The following NUP210 variants were observed in gnomAD, a reference collection of about 807,000 sequenced individuals.
NUP210 encodes nuclear pore membrane glycoprotein 210.
A neutral mutation model predicts 196.0 loss-of-function variants in NUP210; 151 were observed. That is an observed-to-expected ratio of 0.77 (90% CI 0.67 to 0.88). The LOEUF (loss-of-function observed/expected upper bound fraction) is 0.88, where lower values mean the gene tolerates loss of function less well. Among genes scored for constraint, NUP210 ranks in the 40% least tolerant of loss-of-function variants. The probability of loss-of-function intolerance (pLI) is 0.00; values close to 1 mark genes in which losing one functional copy is unlikely to be tolerated. For synonymous variants in NUP210, 1,070 were observed against 1,052.7 expected (o/e 1.02, Z -0.32); for missense variants, 2,314 against 2,493.7 (o/e 0.93, Z 1.53).
Position 13,387,870 on chromosome 3 carries a change from T to A in NUP210, c.684+433A>T, listed in dbSNP as rs188642466. Among the ~76,000 whole-genome samples the A allele has an allele frequency of 4.0e-3, 602 of 152,190 alleles. 4 individuals are homozygous for A. Among genetic ancestry groups the A allele is most frequent in the Non-Finnish European group, 4.4e-3 (297 of 67,982 alleles). ...TGAGGTGATCTACACATAGGATCCC[T>A]GGGCCACCAGTCTCAGGGCTCCAAT... On this transcript the variant is annotated intron_variant, in intron 5 of 39. Transcript: ENST00000254508.
rs1032854080 is a variant in NUP210, at chr3:13,387,716, G to A, written c.684+587C>T. ...GGTTGGGTGGACATTAGTCCACAGG[G>A]ACAGAGAAGGAACCAGGACGTTGGA... On this transcript the variant is annotated intron_variant, in intron 5 of 39. Transcript: ENST00000254508. Among the ~76,000 whole-genome samples the A allele has an allele frequency of 3.3e-5, 5 of 152,326 alleles. No homozygotes were observed. The East Asian group carries it at 5.8e-4, about 18-fold the overall frequency.
chr3:13,317,661 T>A lies in NUP210; in HGVS notation c.*20A>T. The stretch of plus-strand genomic sequence containing the variant: ...CACGAGGCTCGGCTGAGACCCATCC[T>A]CCGGGAACCTTCACGCGGCCTAGTG... On this transcript the variant is annotated 3_prime_UTR_variant, in exon 40 of 40. Coordinates refer to ENST00000254508, the MANE Select transcript of NUP210 (RefSeq NM_024923.4). The A allele has an allele frequency of 1.3e-6, 2 of 1,561,630 alleles. No individual in the cohort carries two copies. The highest frequency in any genetic ancestry group is 1.8e-6 in the Non-Finnish European group (2 of 1,142,680).
At chr3:13,356,469 C>T (rs540346566) in intron 16 of NUP210, among the ~76,000 whole-genome samples, 1 of 152,100 alleles carries the variant, frequency 6.6e-6, no homozygotes, top group Non-Finnish European at 1.5e-5. Flanking sequence ...ATGGTGAAAC[C>T]CTGTCTCTAC....
rs2271503 is a variant in NUP210 at position 13,343,242 on chromosome 3, G to A, written c.2897C>T (p.Pro966Leu). Residue 966 changes from proline (P) to leucine (L), a missense_variant, in exon 21 of 40, where the codon CCG becomes CTG. Transcript: ENST00000254508. ...GTAAACGACAGCCTTGGCTGGGGCC[G>A]GGAAGACGAGGCACAAGTCATGGAT... is the stretch of plus-strand genomic sequence containing the variant. Reference protein sequence around the residue: ...IMIHDLCLVFPAPAKAVVYVS... With the variant: ...IMIHDLCLVFLAPAKAVVYVS... 59 of 1,614,004 alleles carry A rather than the reference G, an allele frequency of 3.7e-5. No homozygotes were observed. In the East Asian group the frequency reaches 4.7e-4, roughly 13 times the overall value.
intron 9 of NUP210, among the ~76,000 whole-genome samples, chr3:13,377,120 T>C (rs965335440): frequency 2.6e-4 from 39 of 152,296 alleles, no homozygotes; most frequent in African/African-American, 8.7e-4. Flanking sequence ...ATGGATTCTC[T>C]GAGGTCCCCA....
In NUP210 at chr3:13,375,536, G is replaced by T; in HGVS notation, c.1399C>A (p.Pro467Thr). The change falls in exon 11 of 40, where the codon CCA (proline) becomes ACA (threonine). Residue 467 changes from proline (P) to threonine (T), a missense_variant. By Grantham distance (38) the Pro-to-Thr change is conservative. Transcript: ENST00000254508. Reference protein sequence around the residue: ...YPSILTFPWQPKTGAYQYTIR... With the variant: ...YPSILTFPWQTKTGAYQYTIR... ...GTGTACTGATAGGCGCCCGTCTTTG[G>T]TTGCCACGGAAATGTCAAGATGCTG... is the stretch of plus-strand genomic sequence containing the variant. 1.2e-6 allele frequency: 2 copies of T among 1,614,112 alleles called. No individual in the cohort carries two copies. The highest frequency in any genetic ancestry group is 1.7e-6 in the Non-Finnish European group (2 of 1,180,016).
intron 17 of NUP210, 108 bp from the exon 18 acceptor site, chr3:13,353,768 T>C (rs1406782470): frequency 1.6e-6 from 2 of 1,243,702 alleles, no homozygotes; most frequent in South Asian, 2.5e-5. Flanking sequence ...AACAGACAAC[T>C]GTGTGTGTTG....
In NUP210 at chr3:13,347,635, G is replaced by T. The variant is rs761797274; in HGVS notation, c.2835+4244C>A. On this transcript the variant is annotated intron_variant, in intron 20 of 39. Transcript: ENST00000254508. The surrounding 1 kb of genome is among the most constrained non-coding windows in gnomAD (Gnocchi z 4.7). ...ACATTCCCGCAAGCCATCCTTCCGTGCTGAATATGTATCAACAGGAAGGAA... is the reference window on the plus strand; with the variant it reads ...ACATTCCCGCAAGCCATCCTTCCGTTCTGAATATGTATCAACAGGAAGGAA... 1.3e-5 allele frequency among the ~76,000 whole-genome samples: 2 copies of T among 152,150 alleles called. No homozygotes were observed. The highest frequency in any genetic ancestry group is 2.9e-5 in the Non-Finnish European group (2 of 68,036).
At chr3:13,341,119 A>C (rs1326241515) in intron 23 of NUP210, 2 of 152,238 alleles carry the variant, frequency 1.3e-5, no homozygotes. Context: ...GGCTGGTTTA[A>C]TGCCGCTGCT....
At chr3:13,324,746 C>T (rs1478854033) in intron 33 of NUP210, among the ~76,000 whole-genome samples, 2 of 152,198 alleles carry the variant, frequency 1.3e-5, no homozygotes, top group Non-Finnish European at 2.9e-5. Context: ...TCTGCAAACA[C>T]AGCCTTGGTC....
At chr3:13,397,258 G>T in intron 3 of NUP210, 99 bp downstream of exon 3, 1 of 1,418,086 alleles carries the variant, frequency 7.1e-7, no homozygotes, top group Non-Finnish European at 9.5e-7. Flanking sequence ...CTGCAGGGTT[G>T]GATGCCAGAG....
At chr3:13,375,142 C>CTTTTTTTTTTTTTTTTTTTTTTTTTTTTT (rs76945178) in intron 11 of NUP210, among the ~76,000 whole-genome samples, 2 of 138,442 alleles carry the variant, frequency 1.4e-5, no homozygotes, top group Non-Finnish European at 3.1e-5. Context: ...TATTTTTTCT[C>CTTTTTTTTTTTTTTTTTTTTTTTTTTTTT]TTTTTTTTTT....
At position 13,335,464 on chromosome 3, in the gene NUP210, A is replaced by G. The variant is rs1234776995; in HGVS notation, c.3833T>C (p.Ile1278Thr). The change falls in exon 28 of 40, where the codon ATC (isoleucine) becomes ACC (threonine). Residue 1278 changes from isoleucine (I) to threonine (T), a missense_variant. Physicochemically the swap from Ile to Thr is moderately conservative, Grantham distance 89 (BLOSUM62 -1). Coordinates refer to ENST00000254508, the MANE Select transcript of NUP210 (RefSeq NM_024923.4). ...YGLARELSDE[I>T]QVQVFEKLQL... ...CCACCTGCCTCCTACCTGGACTTGG[A>G]TCTCATCCGAGAGTTCTCTGGCCAG... 2 of 1,612,872 alleles carry G rather than the reference A, an allele frequency of 1.2e-6. No homozygotes were observed. Among genetic ancestry groups the G allele is most frequent in the Non-Finnish European group, 1.7e-6 (2 of 1,179,276 alleles).
intron 17 of NUP210, 116 bp from the exon 18 acceptor site, chr3:13,353,776 T>C: frequency 8.1e-7 from 1 of 1,240,078 alleles, no homozygotes; most frequent in Non-Finnish European, 1.2e-6. Context: ...ACTGTGTGTG[T>C]TGAAACTATG....
Position 13,319,875 on chromosome 3 carries a change from G to A in NUP210, c.5271C>T (p.Gly1757=). 6.2e-7 allele frequency: 1 copy of A among 1,614,200 alleles called. No individual in the cohort carries two copies. The highest frequency in any genetic ancestry group is 2.2e-5 in the East Asian group (1 of 44,878). The part of the protein sequence containing the change: ...YTVGVLDPAA[G]SQGPLSTTLT... ...GGGTAGTGGACAGAGGCCCTTGGCTGCCAGCCGCGGGGTCCAAGACGCCGA... is the reference window on the plus strand; with the variant it reads ...GGGTAGTGGACAGAGGCCCTTGGCTACCAGCCGCGGGGTCCAAGACGCCGA... The change falls in exon 37 of 40, where the codon GGC becomes GGT. Residue 1757 remains glycine (G), a synonymous_variant. Transcript: ENST00000254508.
At chr3:13,364,055 G>C (rs1238887604) in intron 14 of NUP210, among the ~76,000 whole-genome samples, 1 of 152,174 alleles carries the variant, frequency 6.6e-6, no homozygotes, top group Non-Finnish European at 1.5e-5. Context: ...TGCTGTGCTT[G>C]AGTTGGGATG....
chr3:13,355,759 C>CGG (rs1487362472), intron 16 of NUP210, among the ~76,000 whole-genome samples: 1 of 152,176 alleles, frequency 6.6e-6, no homozygotes, highest in East Asian at 1.9e-4. Flanking sequence ...ATATAGAAGC[C>CGG]GGGAGTTTGG....
chr3:13,320,724 C>T (rs1346693265), intron 36 of NUP210, among the ~76,000 whole-genome samples: 12 of 151,196 alleles, frequency 7.9e-5, no homozygotes, highest in Middle Eastern at 3.4e-3. Context: ...GGTGAAACCC[C>T]GTCTCTACTA....
chr3:13,400,212 C>T (rs183796271), intron 1 of NUP210, among the ~76,000 whole-genome samples: 2 of 152,298 alleles, frequency 1.3e-5, no homozygotes, highest in Non-Finnish European at 2.9e-5. Context: ...GAAAGCTGCT[C>T]AAGGGATCCC....
Sources: allele counts gnomAD v4.1 joint callset (sites outside exome capture counted in the v4.1 genomes callset), GRCh38; gene constraint gnomAD v4.1.1; non-coding constraint Gnocchi (gnomAD v3.1); transcripts MANE v1.5; gene names NCBI Gene and HGNC (gene_info 2026-07-23, HGNC 2026-07-21).